The following GLI3 variants were observed in gnomAD, a reference collection of about 807,000 sequenced individuals.
GLI3 encodes the protein transcription activator GLI3.
GLI3 carries 20 observed loss-of-function variants against 100.8 expected under a neutral mutation model. That is an observed-to-expected ratio of 0.20 (90% CI 0.14 to 0.29). The LOEUF (loss-of-function observed/expected upper bound fraction) is 0.29. Ranked by LOEUF, GLI3 falls within the 10% of genes least tolerant of loss-of-function variation. The pLI is 1.00. For synonymous variants in GLI3, 938 were observed against 860.5 expected (o/e 1.09, Z -1.58); for missense variants, 2,040 against 2,128.5 (o/e 0.96, Z 0.82).
chr7:42,132,343 G>A (rs59630758), intron 3 of GLI3, among the ~76,000 whole-genome samples: 13,980 of 151,846 alleles, frequency 0.092, 1,277 homozygotes, highest in African/African-American at 0.24. Context: ...CTCCTGATCC[G>A]CCCGCCTTGA....
chr7:41,990,433 C>T (rs1787953709), intron 10 of GLI3, among the ~76,000 whole-genome samples: 1 of 151,972 alleles, frequency 6.6e-6, no homozygotes, highest in Non-Finnish European at 1.5e-5. Flanking sequence ...AAACGAGATC[C>T]AATTTGAATG....
Position 42,170,866 on chromosome 7 carries a change from A to C in GLI3, c.125-22398T>G, listed in dbSNP as rs140246059. 1.1e-4 allele frequency among the ~76,000 whole-genome samples: 16 copies of C among 152,324 alleles called. No homozygotes were observed. The East Asian group carries it at 2.7e-3, about 26-fold the overall frequency. ...TAGGGGTGGGAAGGAGGTATTAGAC[A>C]TTCTGTGAGCTCATGCCCAGTTTAA... On this transcript the variant is annotated intron_variant, in intron 2 of 14. Transcript: ENST00000395925.
At chr7:42,226,448 T>G (rs912373440) in intron 1 of GLI3, among the ~76,000 whole-genome samples, 2 of 152,160 alleles carry the variant, frequency 1.3e-5, no homozygotes, top group African/African-American at 2.4e-5. Flanking sequence ...CCAATGCTCA[T>G]CACCATAGAG....
chr7:42,149,224 T>G (rs1315833779), intron 2 of GLI3, among the ~76,000 whole-genome samples: 1 of 152,040 alleles, frequency 6.6e-6, no homozygotes, highest in Non-Finnish European at 1.5e-5. Flanking sequence ...GCTCTGAGGG[T>G]GAGGAAGGAA....
At chr7:42,235,232 C>A (rs1359218088) in intron 1 of GLI3, among the ~76,000 whole-genome samples, 1 of 152,122 alleles carries the variant, frequency 6.6e-6, no homozygotes, top group Non-Finnish European at 1.5e-5. Context: ...TTACAGGAAT[C>A]AATCAATAAG....
At chr7:41,989,073 T>C (rs17640003) in intron 10 of GLI3, among the ~76,000 whole-genome samples, 5,158 of 152,328 alleles carry the variant, frequency 0.034, 102 homozygotes, top group Non-Finnish European at 0.053. Context: ...CTTTTAAATA[T>C]CGACTTTGTT....
chr7:42,171,945 C>T (rs1787381290), intron 2 of GLI3, among the ~76,000 whole-genome samples: 2 of 152,018 alleles, frequency 1.3e-5, no homozygotes, highest in African/African-American at 2.4e-5. Context: ...CACATTGCCT[C>T]TGAGAATAAA....
intron 3 of GLI3, among the ~76,000 whole-genome samples, chr7:42,133,415 C>G (rs1470268843): frequency 6.6e-6 from 1 of 152,116 alleles, no homozygotes; most frequent in Non-Finnish European, 1.5e-5. Context: ...GACAATGCAG[C>G]CTGTGGAGCT....
chr7:42,250,319 C>T (rs1288679405), intron 1 of GLI3, among the ~76,000 whole-genome samples: 2 of 152,176 alleles, frequency 1.3e-5, no homozygotes, highest in Non-Finnish European at 2.9e-5. Flanking sequence ...AGAAACCTCA[C>T]ATCTTTAGGA....
intron 10 of GLI3, among the ~76,000 whole-genome samples, chr7:41,994,359 G>A (rs184646391): frequency 4.6e-5 from 7 of 152,248 alleles, no homozygotes; most frequent in Admixed American, 2.6e-4. Context: ...TCTCATTCAC[G>A]GAATAGAAAT....
At chr7:42,074,440 G>A (rs1044576670) in intron 4 of GLI3, among the ~76,000 whole-genome samples, 1 of 152,210 alleles carries the variant, frequency 6.6e-6, no homozygotes, top group Non-Finnish European at 1.5e-5. Flanking sequence ...AACTAGAAGG[G>A]AGCAGTGACC....
intron 4 of GLI3, among the ~76,000 whole-genome samples, chr7:42,056,119 C>T (rs1195994223): frequency 6.6e-6 from 1 of 152,204 alleles, no homozygotes; most frequent in Non-Finnish European, 1.5e-5. Flanking sequence ...CCACGTGGAA[C>T]TGTAAGTCCA....
At chr7:42,135,396 T>A (rs1464522667) in intron 3 of GLI3, among the ~76,000 whole-genome samples, 1 of 152,218 alleles carries the variant, frequency 6.6e-6, no homozygotes, top group African/African-American at 2.4e-5. Flanking sequence ...CAGGAGAGCA[T>A]TGCCACAACA....
intron 10 of GLI3, among the ~76,000 whole-genome samples, chr7:41,979,539 C>A (rs1288785907): frequency 5.9e-5 from 9 of 152,256 alleles, no homozygotes; most frequent in African/African-American, 2.2e-4. Flanking sequence ...CATTTAATTT[C>A]TTGGATTAAT....
Position 42,223,162 on chromosome 7 carries a change from T to C in GLI3, c.92A>G (p.Glu31Gly). ...AGTGGTGCTGGAGGCAACGGCTTTC[T>C]CGCTCACATCTGTTCGAGTGGAGCA... is the stretch of plus-strand genomic sequence containing the variant. ...VKCSTRTDVS[E>G]KAVASSTTSN... is the part of the protein sequence containing the mutation. The change falls in exon 2 of 15, where the codon GAG (glutamate) becomes GGG (glycine). Residue 31 changes from glutamate (E) to glycine (G), a missense_variant. This residue lies in a region of GLI3 where 603 missense variants were observed against 690.9 expected (regional missense o/e 0.87). Coordinates refer to ENST00000395925, the MANE Select transcript of GLI3 (RefSeq NM_000168.6). 6.2e-7 allele frequency: 1 copy of C among 1,614,098 alleles called. No homozygotes were observed. The highest frequency in any genetic ancestry group is 8.5e-7 in the Non-Finnish European group (1 of 1,179,984).
At chr7:41,976,641 C>T (rs1479847586) in intron 12 of GLI3, among the ~76,000 whole-genome samples, 1 of 152,234 alleles carries the variant, frequency 6.6e-6, no homozygotes. Flanking sequence ...CCTTCTCTAA[C>T]ACATTTCAAG....
chr7:42,213,596 T>G (rs761805752), intron 2 of GLI3, among the ~76,000 whole-genome samples: 22 of 152,344 alleles, frequency 1.4e-4, no homozygotes, highest in Non-Finnish European at 2.6e-4. Context: ...TGGGGTTCTC[T>G]GTGGCAGCTC....
intron 3 of GLI3, among the ~76,000 whole-genome samples, chr7:42,147,113 G>C (rs1027229675): frequency 3.3e-5 from 5 of 152,162 alleles, no homozygotes; most frequent in Non-Finnish European, 4.4e-5. Context: ...ATCTGGTTGG[G>C]GGGGAGGTGG....
intron 3 of GLI3, among the ~76,000 whole-genome samples, chr7:42,087,205 C>T (rs970636762): frequency 3.3e-5 from 5 of 152,212 alleles, no homozygotes; most frequent in African/African-American, 1.2e-4. Context: ...CAGGACACTT[C>T]CATCTACCTA....
Sources: gnomAD v4.1 joint callset for allele counts (sites outside exome capture counted in the v4.1 genomes callset) on GRCh38, gnomAD v4.1.1 for gene constraint, gnomAD v4.1.1 regional missense constraint, MANE v1.5 for transcripts, NCBI Gene and HGNC (gene_info 2026-07-23, HGNC 2026-07-21) for gene names.